The following PPARA variants were observed in gnomAD, a reference collection of about 807,000 sequenced individuals.
PPARA encodes peroxisome proliferator-activated receptor alpha.
PPARA carries 22 observed loss-of-function variants against 42.2 expected under a neutral mutation model. The ratio of observed to expected loss-of-function variants is 0.52; its 90% CI spans 0.37 to 0.74. The LOEUF (loss-of-function observed/expected upper bound fraction) is 0.74. Among genes scored for constraint, PPARA ranks in the 30% least tolerant of loss-of-function variants. The pLI is 0.00. For synonymous variants in PPARA, 242 were observed against 239.3 expected, an observed-to-expected ratio of 1.01 and a Z score of -0.10; for missense variants, 465 against 608.2, an observed-to-expected ratio of 0.76 and a Z score of 2.48.
intron 2 of PPARA, chr22:46,164,286 C>T (rs1926697011): frequency 6.7e-6 from 1 of 149,558 alleles, no homozygotes; most frequent in Non-Finnish European, 1.5e-5. Flanking sequence ...GAGTTTCACT[C>T]TTGTTGCCCA....
Position 46,235,137 on chromosome 22 carries a change from T to C in PPARA, c.1164T>C (p.Arg388=), listed in dbSNP as rs780278247. 2 of 1,614,034 alleles carry C rather than the reference T, an allele frequency of 1.2e-6. No homozygotes were observed. The highest frequency in any genetic ancestry group is 1.7e-6 in the Non-Finnish European group (2 of 1,179,902). ...FVAAIICCGD[R]PGLLNVGHIE... ...TCTCTCTTCTTTCGAGACTAGATCG[T>C]CCTGGCCTTCTAAACGTAGGACACA... The change falls in exon 9 of 9, where the codon CGT becomes CGC. Residue 388 remains arginine (R), a synonymous_variant. Transcript: ENST00000407236. This position sits in a 1 kb window ranked among gnomAD's most constrained non-coding sequence, Gnocchi z 7.0.
intron 2 of PPARA, chr22:46,155,101 G>A (rs1925102856): frequency 8.0e-6 from 1 of 125,182 alleles, no homozygotes; most frequent in African/African-American, 3.1e-5. Context: ...CTCTTTTTTT[G>A]CTCTATTGGT....
rs1935031475 is a variant in PPARA, at chr22:46,221,841, T to C, written c.711+1827T>C. 6.6e-6 allele frequency among the ~76,000 whole-genome samples: 1 copy of C among 151,868 alleles called. No individual in the cohort carries two copies. The highest frequency in any genetic ancestry group is 1.5e-5 in the Non-Finnish European group (1 of 67,988). ...CTGTAATCCCAGCACTTTGGGAGGC[T>C]GAGGTGGGTGGATCACTTGAGGTCA... On this transcript the variant is annotated intron_variant, in intron 7 of 8. Transcript: ENST00000407236. The surrounding 1 kb of genome is among the most constrained non-coding windows in gnomAD (Gnocchi z 5.9).
rs537008026 is a variant in PPARA, at chr22:46,190,141, T to C, written c.-42-8201T>C. On this transcript the variant is annotated intron_variant, in intron 3 of 8. Transcript: ENST00000407236. The surrounding 1 kb of genome is among the most constrained non-coding windows in gnomAD (Gnocchi z 5.6). ...CGAAAAGACTTCTAGATGTTAAATA[T>C]GATATTCAAAAAATATAAAGACAAG... is the stretch of plus-strand genomic sequence containing the variant. 3.9e-5 allele frequency among the ~76,000 whole-genome samples: 6 copies of C among 152,334 alleles called. No homozygotes were observed. Among genetic ancestry groups the C allele is most frequent in the African/African-American group, 7.2e-5 (3 of 41,576 alleles).
rs1396025064 is a variant in PPARA at position 46,180,486 on chromosome 22, C to A, written c.-43+3650C>A. Among the ~76,000 whole-genome samples, 1 of 152,134 alleles carries A rather than the reference C, an allele frequency of 6.6e-6. No homozygotes were observed. Among genetic ancestry groups the A allele is most frequent in the Admixed American group, 6.6e-5 (1 of 15,264 alleles). Reference sequence around the variant, plus strand: ...CTAGCCTCCATGTATTTTGTAAGTTCTGTAAATTCCTGTTTTCCCTGCACA... The same window carrying A: ...CTAGCCTCCATGTATTTTGTAAGTTATGTAAATTCCTGTTTTCCCTGCACA... On this transcript the variant is annotated intron_variant, in intron 3 of 8. Coordinates refer to ENST00000407236, the MANE Select transcript of PPARA (RefSeq NM_005036.6). The surrounding 1 kb of genome is among the most constrained non-coding windows in gnomAD (Gnocchi z 4.2).
At position 46,182,349 on chromosome 22, in the gene PPARA, C is replaced by G. The variant is rs908418139; in HGVS notation, c.-43+5513C>G. Among the ~76,000 whole-genome samples, 1 of 152,178 alleles carries G rather than the reference C, an allele frequency of 6.6e-6. No individual in the cohort carries two copies. The highest frequency in any genetic ancestry group is 2.4e-5 in the African/African-American group (1 of 41,430). On this transcript the variant is annotated intron_variant, in intron 3 of 8. Transcript: ENST00000407236. This position sits in a 1 kb window ranked among gnomAD's most constrained non-coding sequence, Gnocchi z 5.2. ...GAATATATTCTCAAACTGTGGTTAT[C>G]CATACAATGGAGTATTACTTTGCAA...
chr22:46,168,131 T>TTGCTTGAGCC (rs764364176), intron 2 of PPARA, among the ~76,000 whole-genome samples: 2 of 151,318 alleles, frequency 1.3e-5, no homozygotes, highest in Non-Finnish European at 2.9e-5. Flanking sequence ...AGCAGGTGGA[T>TTGCTTGAGCC]CACAAGGGCA....
rs1310675576 is a variant in PPARA at position 46,225,579 on chromosome 22, T to TCA, written c.711+5572_711+5573dup. On this transcript the variant is annotated intron_variant, in intron 7 of 8. Transcript: ENST00000407236. This position sits in a 1 kb window ranked among gnomAD's most constrained non-coding sequence, Gnocchi z 4.1. ...CATACACGTGCACCCACATGCATGC[T>TCA]CACACACATGCACCCACAGTCACAC... 6.8e-6 allele frequency among the ~76,000 whole-genome samples: 1 copy of TCA among 146,534 alleles called. No homozygotes were observed. Among genetic ancestry groups the TCA allele is most frequent in the Non-Finnish European group, 1.5e-5 (1 of 66,410 alleles).
At position 46,184,255 on chromosome 22, in the gene PPARA, C is replaced by G. The variant is rs1158540466; in HGVS notation, c.-43+7419C>G. Among the ~76,000 whole-genome samples, 1 of 152,200 alleles carries G rather than the reference C, an allele frequency of 6.6e-6. No homozygotes were observed. Among genetic ancestry groups the G allele is most frequent in the Non-Finnish European group, 1.5e-5 (1 of 68,040 alleles). Reference sequence around the variant, plus strand: ...AACACAAGCAACCTGCAACACGCCACTGCAAGTTGGATGTCTAGAAAAGGT... The same window carrying G: ...AACACAAGCAACCTGCAACACGCCAGTGCAAGTTGGATGTCTAGAAAAGGT... On this transcript the variant is annotated intron_variant, in intron 3 of 8. Coordinates refer to ENST00000407236, the MANE Select transcript of PPARA (RefSeq NM_005036.6). This position sits in a 1 kb window ranked among gnomAD's most constrained non-coding sequence, Gnocchi z 4.4.
At chr22:46,209,995 T>C (rs1933763297) in intron 4 of PPARA, among the ~76,000 whole-genome samples, 1 of 152,136 alleles carries the variant, frequency 6.6e-6, no homozygotes, top group African/African-American at 2.4e-5. Flanking sequence ...TCCTCCAGCC[T>C]TGGCCTCCCA....
intron 2 of PPARA, among the ~76,000 whole-genome samples, chr22:46,172,580 T>C (rs1274975453): frequency 6.6e-6 from 1 of 152,140 alleles, no homozygotes; most frequent in Non-Finnish European, 1.5e-5. Flanking sequence ...ATCGTGCCAC[T>C]GCATTGCAGC....
rs1050709285 is a variant in PPARA, at chr22:46,203,817, G to A, written c.208+5226G>A. On this transcript the variant is annotated intron_variant, in intron 4 of 8. Coordinates refer to ENST00000407236, the MANE Select transcript of PPARA (RefSeq NM_005036.6). This position sits in a 1 kb window ranked among gnomAD's most constrained non-coding sequence, Gnocchi z 5.8. Reference sequence around the variant, plus strand: ...CCAGGTGGGTCCCCGTCCCTTGCGGGCCTGTCCAGACAAGGGAACCCTGGG... The same window carrying A: ...CCAGGTGGGTCCCCGTCCCTTGCGGACCTGTCCAGACAAGGGAACCCTGGG... Among the ~76,000 whole-genome samples, 3 of 152,166 alleles carry A rather than the reference G, an allele frequency of 2.0e-5. No individual in the cohort carries two copies. The highest frequency in any genetic ancestry group is 4.4e-5 in the Non-Finnish European group (3 of 68,020).
chr22:46,230,044 C>T lies in PPARA; in HGVS notation c.712-1748C>T, dbSNP rs547480515. ...TTCTTTAAATCCTGGGATGCTTCTG[C>T]GCTTTGGGCTCCACTGTTCCAGCAG... On this transcript the variant is annotated intron_variant, in intron 7 of 8. Transcript: ENST00000407236. This position sits in a 1 kb window ranked among gnomAD's most constrained non-coding sequence, Gnocchi z 5.0. 4.1e-4 allele frequency among the ~76,000 whole-genome samples: 62 copies of T among 152,286 alleles called. No homozygotes were observed. Among genetic ancestry groups the T allele is most frequent in the African/African-American group, 6.5e-4 (27 of 41,574 alleles).
At chr22:46,153,401 T>A (rs972570665) in intron 2 of PPARA, among the ~76,000 whole-genome samples, 2 of 151,786 alleles carry the variant, frequency 1.3e-5, no homozygotes, top group Non-Finnish European at 2.9e-5. Flanking sequence ...ACTCCTGACC[T>A]CAGGTGAACC....
rs920682248 is a variant in PPARA at position 46,156,907 on chromosome 22, T to C, written c.-127+4937T>C. On this transcript the variant is annotated intron_variant, in intron 2 of 8. Coordinates refer to ENST00000407236, the MANE Select transcript of PPARA (RefSeq NM_005036.6). The surrounding 1 kb of genome is among the most constrained non-coding windows in gnomAD (Gnocchi z 5.2). ...GTGAGCCACCACACCCGGCCTCCTG[T>C]GTGTTTTGAAGGTGATTGTGACCTC... 1.3e-5 allele frequency among the ~76,000 whole-genome samples: 2 copies of C among 152,120 alleles called. No homozygotes were observed. Among genetic ancestry groups the C allele is most frequent in the African/African-American group, 4.8e-5 (2 of 41,436 alleles).
chr22:46,189,712 C>CTT (rs1011874089), intron 3 of PPARA, among the ~76,000 whole-genome samples: 15 of 143,164 alleles, frequency 1.0e-4, no homozygotes, highest in African/African-American at 2.3e-4. Context: ...TATTTTTTTT[C>CTT]TTTTTTTTTT....
Position 46,161,550 on chromosome 22 carries a change from C to T in PPARA, c.-127+9580C>T, listed in dbSNP as rs1601604275. Among the ~76,000 whole-genome samples the T allele has an allele frequency of 1.3e-5, 2 of 152,010 alleles. No individual in the cohort carries two copies. The highest frequency in any genetic ancestry group is 1.9e-4 in the East Asian group (1 of 5,198). ...GCAGTGAACCAAGATTGTGCCACTG[C>T]ACTCCAGCCTGGCAACAGCGAGACT... is the stretch of plus-strand genomic sequence containing the variant. On this transcript the variant is annotated intron_variant, in intron 2 of 8. Transcript: ENST00000407236. The surrounding 1 kb of genome is among the most constrained non-coding windows in gnomAD (Gnocchi z 4.8).
At position 46,225,802 on chromosome 22, in the gene PPARA, C is replaced by T. The variant is rs946122454; in HGVS notation, c.711+5788C>T. Among the ~76,000 whole-genome samples, 3 of 151,458 alleles carry T rather than the reference C, an allele frequency of 2.0e-5. No individual in the cohort carries two copies. The highest frequency in any genetic ancestry group is 2.9e-5 in the Non-Finnish European group (2 of 67,906). ...AAACACACACACCCCCACACATACA[C>T]GTGCACCCACACATGCACACAGACG... On this transcript the variant is annotated intron_variant, in intron 7 of 8. Transcript: ENST00000407236. The surrounding 1 kb of genome is among the most constrained non-coding windows in gnomAD (Gnocchi z 4.1).
In PPARA at chr22:46,195,199, G is replaced by T. The variant is rs894504888; in HGVS notation, c.-42-3143G>T. Among the ~76,000 whole-genome samples, 1 of 152,122 alleles carries T rather than the reference G, an allele frequency of 6.6e-6. No homozygotes were observed. Among genetic ancestry groups the T allele is most frequent in the Admixed American group, 6.6e-5 (1 of 15,262 alleles). ...ATTACAGGTGTGAGCCACCATGCCC[G>T]GCCCCAGCTACTTGCTTTCTATTGG... On this transcript the variant is annotated intron_variant, in intron 3 of 8. Coordinates refer to ENST00000407236, the MANE Select transcript of PPARA (RefSeq NM_005036.6). The surrounding 1 kb of genome is among the most constrained non-coding windows in gnomAD (Gnocchi z 4.6).
Sources: gnomAD v4.1 joint callset for allele counts (sites outside exome capture counted in the v4.1 genomes callset) on GRCh38, gnomAD v4.1.1 for gene constraint, Gnocchi (gnomAD v3.1) non-coding constraint, MANE v1.5 for transcripts, NCBI Gene and HGNC (gene_info 2026-07-23, HGNC 2026-07-21) for gene names.